PDE6A: variants seen among roughly 807,000 people sequenced by gnomAD.
The protein encoded by PDE6A is rod cGMP-specific 3',5'-cyclic phosphodiesterase subunit alpha.
Under a neutral mutation model 106.3 loss-of-function variants are expected in PDE6A, and 84 were observed. The ratio of observed to expected loss-of-function variants is 0.79; its 90% CI spans 0.66 to 0.95. The LOEUF is 0.95. PDE6A is among the 40% of genes least tolerant of loss of function. PDE6A has a pLI of 0.00. For missense variants in PDE6A, 1,052 were observed against 1,084.9 expected (o/e 0.97, Z 0.43); for synonymous variants, 394 against 386.6 (o/e 1.02, Z -0.23).
At chr5:149,915,875 C>G (rs947031582) in intron 5 of PDE6A, among the ~76,000 whole-genome samples, 1 of 151,582 alleles carries the variant, frequency 6.6e-6, no homozygotes, top group Non-Finnish European at 1.5e-5. Context: ...AACTCTAGGA[C>G]TAATTTTACC....
intron 18 of PDE6A, 47 bp downstream of exon 18, chr5:149,868,048 C>T (rs760764085): frequency 5.1e-6 from 8 of 1,566,942 alleles, no homozygotes; most frequent in Admixed American, 1.7e-5. Flanking sequence ...GACCTGATGC[C>T]CCCAGTACTG....
chr5:149,892,509 T>G (rs1752583597), intron 13 of PDE6A, among the ~76,000 whole-genome samples: 1 of 148,862 alleles, frequency 6.7e-6, no homozygotes, highest in Non-Finnish European at 1.5e-5. Context: ...TTTTTTTTTT[T>G]GAGACAATGA....
intron 1 of PDE6A, among the ~76,000 whole-genome samples, chr5:149,941,048 C>T (rs1203913932): frequency 6.6e-6 from 1 of 152,124 alleles, no homozygotes; most frequent in African/African-American, 2.4e-5. Context: ...CTGGTTTGGC[C>T]AGTGTAGGAG....
At chr5:149,871,286 T>C (rs896975179) in intron 17 of PDE6A, among the ~76,000 whole-genome samples, 1 of 152,190 alleles carries the variant, frequency 6.6e-6, no homozygotes, top group African/African-American at 2.4e-5. Flanking sequence ...TGGTCCATGC[T>C]CTCAGAGATC....
chr5:149,913,483 T>A (rs767037166), intron 6 of PDE6A, among the ~76,000 whole-genome samples: 9 of 152,110 alleles, frequency 5.9e-5, no homozygotes, highest in Non-Finnish European at 1.3e-4. Flanking sequence ...TTGAGGCAGC[T>A]TCTCATCCTC....
chr5:149,935,100 A>T (rs990308558), intron 1 of PDE6A, among the ~76,000 whole-genome samples: 3 of 152,210 alleles, frequency 2.0e-5, no homozygotes, highest in African/African-American at 7.2e-5. Context: ...GTACAACGAC[A>T]GTTGCTAGCA....
At chr5:149,917,804 G>A (rs1753597691) in intron 5 of PDE6A, among the ~76,000 whole-genome samples, 1 of 152,176 alleles carries the variant, frequency 6.6e-6, no homozygotes, top group African/African-American at 2.4e-5. Flanking sequence ...TGGAATGGTG[G>A]TATGTGTTTG....
intron 8 of PDE6A, among the ~76,000 whole-genome samples, chr5:149,902,228 T>A (rs1753003711): frequency 6.6e-6 from 1 of 152,154 alleles, no homozygotes; most frequent in African/African-American, 2.4e-5. Flanking sequence ...TTCCTTCCAA[T>A]AAGCCATCTT....
At chr5:149,913,381 TAAAA>T (rs11343433) in intron 6 of PDE6A, among the ~76,000 whole-genome samples, 3 of 137,462 alleles carry the variant, frequency 2.2e-5, no homozygotes, top group Non-Finnish European at 3.1e-5. Context: ...GACTCCATCT[TAAAA>T]AAAAAAAAAA....
intron 17 of PDE6A, among the ~76,000 whole-genome samples, chr5:149,878,636 G>A (rs1760824709): frequency 6.6e-6 from 1 of 152,154 alleles, no homozygotes; most frequent in African/African-American, 2.4e-5. Flanking sequence ...CTCCCGCATG[G>A]GGAACGAGGT....
Position 149,886,391 on chromosome 5 carries a change from A to G in PDE6A, c.1729-17T>C. 6.3e-7 allele frequency: 1 copy of G among 1,588,062 alleles called. No individual in the cohort carries two copies. Among genetic ancestry groups the G allele is most frequent in the African/African-American group, 1.3e-5 (1 of 74,548 alleles). ...CTTTCCCGTCTGGAAGGGCAATCAGAGTGCAAATCATTCCTTTTGTGTAGG... is the reference window on the plus strand; with the variant it reads ...CTTTCCCGTCTGGAAGGGCAATCAGGGTGCAAATCATTCCTTTTGTGTAGG... On this transcript the variant is annotated splice_polypyrimidine_tract_variant and intron_variant, in intron 13 of 21. Coordinates refer to ENST00000255266, the MANE Select transcript of PDE6A (RefSeq NM_000440.3).
chr5:149,932,928 C>T (rs1754084455), intron 3 of PDE6A, among the ~76,000 whole-genome samples: 1 of 152,228 alleles, frequency 6.6e-6, no homozygotes, highest in Non-Finnish European at 1.5e-5. Context: ...GGCGCCCAGG[C>T]ACAGCACCGG....
At chr5:149,867,333 G>T in intron 19 of PDE6A, 1 of 337,582 alleles carries the variant, frequency 3.0e-6, no homozygotes, top group Non-Finnish European at 5.7e-6. Context: ...TTAGATTAGG[G>T]TCAGGGGAGG....
intron 14 of PDE6A, 40 bp downstream of exon 14, chr5:149,886,225 G>T: frequency 7.1e-7 from 1 of 1,415,348 alleles, no homozygotes; most frequent in Non-Finnish European, 1.0e-6. Context: ...GCTGGATAAT[G>T]AATCCGGAGG....
In PDE6A at chr5:149,899,369, C is replaced by T. The variant is rs751093033; in HGVS notation, c.1263+6G>A. 1 of 1,614,098 alleles carries T rather than the reference C, an allele frequency of 6.2e-7. No homozygotes were observed. Among genetic ancestry groups the T allele is most frequent in the South Asian group, 1.1e-5 (1 of 91,082 alleles). ...CAACAGCAAAAGGCCTCCTAGCAAG[C>T]CATACCTCCATGAGCGTCTCATCCA... On this transcript the variant is annotated splice_donor_region_variant and intron_variant, in intron 9 of 21. Coordinates refer to ENST00000255266, the MANE Select transcript of PDE6A (RefSeq NM_000440.3).
At chr5:149,870,031 G>A (rs1760478645) in intron 17 of PDE6A, among the ~76,000 whole-genome samples, 1 of 152,190 alleles carries the variant, frequency 6.6e-6, no homozygotes, top group African/African-American at 2.4e-5. Context: ...GCTCACACCT[G>A]TAATCTTGGC....
intron 13 of PDE6A, 42 bp from the exon 14 acceptor site, chr5:149,886,416 G>A (rs1191423874): frequency 1.3e-6 from 2 of 1,483,882 alleles, no homozygotes; most frequent in Non-Finnish European, 1.9e-6. Context: ...TTTTGTGTAG[G>A]GGCTGGAAGC....
intron 17 of PDE6A, among the ~76,000 whole-genome samples, chr5:149,880,026 C>A (rs140695860): frequency 1.3e-5 from 2 of 152,298 alleles, no homozygotes; most frequent in Non-Finnish European, 2.9e-5. Flanking sequence ...TCCCATTGAT[C>A]TGAACGACTT....
intron 1 of PDE6A, among the ~76,000 whole-genome samples, chr5:149,939,126 G>A (rs969984549): frequency 1.3e-5 from 2 of 152,138 alleles, no homozygotes; most frequent in Non-Finnish European, 2.9e-5. Context: ...GTAAACACGT[G>A]CAAATACCAA....
Sources: allele counts gnomAD v4.1 joint callset (sites outside exome capture counted in the v4.1 genomes callset), GRCh38; gene constraint gnomAD v4.1.1; transcripts MANE v1.5; gene names NCBI Gene and HGNC (gene_info 2026-07-23, HGNC 2026-07-21).